Variants in UNC13B observed in about 807,000 individuals in gnomAD.
UNC13B encodes the protein protein unc-13 homolog B.
UNC13B carries 144 observed loss-of-function variants against 211.0 expected under a neutral mutation model. The observed-to-expected ratio is 0.68, with a 90% CI of 0.60 to 0.78. The LOEUF (loss-of-function observed/expected upper bound fraction) is 0.78. UNC13B is among the 30% of genes least tolerant of loss of function. The pLI is 0.00. For synonymous variants in UNC13B, 709 were observed against 725.8 expected (o/e 0.98, Z 0.37); for missense variants, 1,777 against 2,002.0 (o/e 0.89, Z 2.14).
At chr9:35,337,994 T>C (rs1564145268) in intron 11 of UNC13B, among the ~76,000 whole-genome samples, 2 of 152,196 alleles carry the variant, frequency 1.3e-5, no homozygotes, top group African/African-American at 2.4e-5. Flanking sequence ...CCTTTGGGTA[T>C]AGAGATTGAG....
In UNC13B at chr9:35,396,980, C is replaced by T. The variant is rs757672819; in HGVS notation, c.11532+43C>T. On this transcript the variant is annotated intron_variant, in intron 28 of 39. Coordinates refer to ENST00000635942, the MANE Select transcript of UNC13B (RefSeq NM_001371189.2). ...GCTGCACCGGGTTCAGGCCAGGTCTCCCAGCAATTAGCTATTGGCAGAAGT... is the reference window on the plus strand; with the variant it reads ...GCTGCACCGGGTTCAGGCCAGGTCTTCCAGCAATTAGCTATTGGCAGAAGT... 6 of 1,611,022 alleles carry T rather than the reference C, an allele frequency of 3.7e-6. No homozygotes were observed. In the South Asian group the frequency reaches 5.5e-5, roughly 15 times the overall value.
intron 7 of UNC13B, among the ~76,000 whole-genome samples, chr9:35,287,447 G>A (rs370892959): frequency 2.6e-4 from 39 of 152,154 alleles, no homozygotes; most frequent in African/African-American, 8.2e-4. Context: ...GTGCATTCTC[G>A]CTAACAATGT....
At chr9:35,332,023 C>T (rs1831399419) in intron 11 of UNC13B, among the ~76,000 whole-genome samples, 2 of 151,968 alleles carry the variant, frequency 1.3e-5, no homozygotes, top group Admixed American at 6.6e-5. Context: ...TTGCTCTTGC[C>T]CAGGCTGGAG....
At chr9:35,345,120 C>T (rs1832268522) in intron 11 of UNC13B, among the ~76,000 whole-genome samples, 1 of 152,088 alleles carries the variant, frequency 6.6e-6, no homozygotes, top group Non-Finnish European at 1.5e-5. Flanking sequence ...GTAGATTCTC[C>T]TGCACTCGTA....
chr9:35,231,397 T>G (rs1443050646), intron 3 of UNC13B, among the ~76,000 whole-genome samples, 178 bp downstream of exon 3: 1 of 152,234 alleles, frequency 6.6e-6, no homozygotes, highest in African/African-American at 2.4e-5. Flanking sequence ...TCATGGTACA[T>G]GAAGCACAAC....
chr9:35,244,797 T>G (rs556934445), intron 6 of UNC13B, among the ~76,000 whole-genome samples: 30 of 152,288 alleles, frequency 2.0e-4, no homozygotes, highest in African/African-American at 6.5e-4. Context: ...CACAGATACT[T>G]AGGGTTAGAA....
At chr9:35,204,399 C>T (rs1823522109) in intron 1 of UNC13B, among the ~76,000 whole-genome samples, 1 of 152,244 alleles carries the variant, frequency 6.6e-6, no homozygotes, top group Non-Finnish European at 1.5e-5. Context: ...AAGAGGGCCA[C>T]TGTCTTTGAG....
chr9:35,374,934 C>T (rs953037186), intron 13 of UNC13B, among the ~76,000 whole-genome samples, 193 bp from the exon 14 acceptor site: 1 of 152,150 alleles, frequency 6.6e-6, no homozygotes, highest in Non-Finnish European at 1.5e-5. Context: ...AGAGCAGCCC[C>T]CTGAGGGCCT....
chr9:35,353,242 T>C (rs988439950), intron 11 of UNC13B: 10 of 1,232,142 alleles, frequency 8.1e-6, no homozygotes, highest in South Asian at 4.1e-5. Context: ...CTCAGGAGGA[T>C]GAGGATGTGG....
At chr9:35,223,639 T>A (rs1034284836) in intron 1 of UNC13B, among the ~76,000 whole-genome samples, 3 of 152,100 alleles carry the variant, frequency 2.0e-5, no homozygotes, top group Non-Finnish European at 4.4e-5. Context: ...TGTCTCTTTA[T>A]TGATTGTTAC....
In UNC13B at chr9:35,242,330, A is replaced by C. The variant is rs572400179; in HGVS notation, c.395-961A>C. ...TAACTGAAAATTTAGCATCTTAACC[A>C]TTTTTAAGTGTACAGTTCACTAGTG... On this transcript the variant is annotated intron_variant, in intron 5 of 39. Coordinates refer to ENST00000635942, the MANE Select transcript of UNC13B (RefSeq NM_001371189.2). Among the ~76,000 whole-genome samples, 5 of 152,296 alleles carry C rather than the reference A, an allele frequency of 3.3e-5. No individual in the cohort carries two copies. In the East Asian group the frequency reaches 9.6e-4, roughly 29 times the overall value.
chr9:35,398,486 T>G (rs1836040321), intron 31 of UNC13B, 68 bp from the exon 32 acceptor site: 3 of 1,488,306 alleles, frequency 2.0e-6, no homozygotes, highest in African/African-American at 1.4e-5. Flanking sequence ...AAGGAAGTAG[T>G]AGGGGTGTGG....
intron 1 of UNC13B, among the ~76,000 whole-genome samples, chr9:35,199,762 T>C (rs1004893104): frequency 1.3e-5 from 2 of 152,218 alleles, no homozygotes; most frequent in Admixed American, 1.3e-4. Flanking sequence ...ATGAGTAGAT[T>C]GCAAAAATTT....
chr9:35,355,616 T>C (rs572438175), intron 11 of UNC13B, among the ~76,000 whole-genome samples: 7 of 152,034 alleles, frequency 4.6e-5, no homozygotes, highest in African/African-American at 1.7e-4. Flanking sequence ...CTATTCTTAA[T>C]ACATTCATAT....
At chr9:35,182,073 C>T (rs1821967147) in intron 1 of UNC13B, among the ~76,000 whole-genome samples, 1 of 152,130 alleles carries the variant, frequency 6.6e-6, no homozygotes, top group East Asian at 1.9e-4. Context: ...TATAGGATTA[C>T]CAGCCCTACT....
chr9:35,178,720 G>A (rs10814210), intron 1 of UNC13B, among the ~76,000 whole-genome samples: 23,534 of 151,122 alleles, frequency 0.16, 2,030 homozygotes, highest in Admixed American at 0.25. Context: ...GTGAAACCCC[G>A]TCTCTGCTAA....
intron 1 of UNC13B, among the ~76,000 whole-genome samples, chr9:35,187,568 C>G (rs1822429125): frequency 6.6e-6 from 1 of 152,114 alleles, no homozygotes; most frequent in African/African-American, 2.4e-5. Flanking sequence ...GTATAATAAA[C>G]TTTAGTCTTA....
chr9:35,284,274 CA>C (rs555960180), intron 7 of UNC13B, among the ~76,000 whole-genome samples: 208 of 151,772 alleles, frequency 1.4e-3, no homozygotes, highest in African/African-American at 4.7e-3. Flanking sequence ...TCAAAAAAAC[CA>C]AAAAAACAAA....
At position 35,402,840 on chromosome 9, in the gene UNC13B, A is replaced by G. The variant is rs79743225; in HGVS notation, c.12485-327A>G. Among the ~76,000 whole-genome samples the G allele has an allele frequency of 4.3e-3, 659 of 152,268 alleles. 8 individuals are homozygous for G. Among genetic ancestry groups the G allele is most frequent in the African/African-American group, 0.014 (598 of 41,538 alleles). ...CCAGGTCAACATAATTCCCAGACAC[A>G]GATACAAGGTGATGGCACTGCCCTA... On this transcript the variant is annotated intron_variant, in intron 37 of 39. Transcript: ENST00000635942.
Sources: gnomAD v4.1 joint callset for allele counts (sites outside exome capture counted in the v4.1 genomes callset) on GRCh38, gnomAD v4.1.1 for gene constraint, MANE v1.5 for transcripts, NCBI Gene and HGNC (gene_info 2026-07-23, HGNC 2026-07-21) for gene names.